Variants in ROBO2 observed in about 807,000 individuals in gnomAD.
ROBO2 encodes roundabout guidance receptor 2.
Under a neutral mutation model 160.8 loss-of-function variants are expected in ROBO2, and 53 were observed. The ratio of observed to expected loss-of-function variants is 0.33; its 90% CI spans 0.26 to 0.41. ROBO2 has a LOEUF of 0.41. Among genes scored for constraint, ROBO2 ranks in the 10% least tolerant of loss-of-function variants. The pLI, the probability that ROBO2 is intolerant of heterozygous loss-of-function variation, is 1.00. For synonymous variants in ROBO2, 664 were observed against 611.7 expected, an observed-to-expected ratio of 1.09 and a Z score of -1.26; for missense variants, 1,577 against 1,722.4, an observed-to-expected ratio of 0.92 and a Z score of 1.49.
intron 2 of ROBO2, among the ~76,000 whole-genome samples, chr3:76,815,657 G>GTAGT (rs10662211): frequency 0.26 from 39,611 of 151,316 alleles, 5,481 homozygotes; most frequent in East Asian, 0.44. Context: ...TATCTTCTGG[G>GTAGT]TAAATTGCAT....
rs573458623 is a variant in ROBO2 at position 76,921,932 on chromosome 3, A to G, written c.110-176082A>G. On this transcript the variant is annotated intron_variant, in intron 2 of 26. Transcript: ENST00000487694. ...GTGAACATATCAGAAGAATCATAACACCTCATGATTTTTTACAAAGCAGAA... is the reference window on the plus strand; with the variant it reads ...GTGAACATATCAGAAGAATCATAACGCCTCATGATTTTTTACAAAGCAGAA... 2.6e-5 allele frequency among the ~76,000 whole-genome samples: 4 copies of G among 152,240 alleles called. No homozygotes were observed. In the South Asian group the frequency reaches 8.3e-4, roughly 32 times the overall value.
chr3:76,476,077 C>T (rs2078917895), intron 2 of ROBO2, among the ~76,000 whole-genome samples: 1 of 152,130 alleles, frequency 6.6e-6, no homozygotes, highest in Non-Finnish European at 1.5e-5. Flanking sequence ...CACTTAAACC[C>T]CGGAGGTGGA....
chr3:77,331,601 T>C (rs1007186380), intron 2 of ROBO2, among the ~76,000 whole-genome samples: 1 of 152,228 alleles, frequency 6.6e-6, no homozygotes, highest in Non-Finnish European at 1.5e-5. Flanking sequence ...CTGAATTTTC[T>C]TAAGATTCAA....
intron 2 of ROBO2, among the ~76,000 whole-genome samples, chr3:76,342,448 A>C (rs1328986755): frequency 6.6e-6 from 1 of 152,102 alleles, no homozygotes; most frequent in Admixed American, 6.6e-5. Context: ...GAATGACTGC[A>C]CAGAGTGGGT....
chr3:77,559,397 A>T (rs974245652), intron 9 of ROBO2, among the ~76,000 whole-genome samples: 4 of 152,088 alleles, frequency 2.6e-5, no homozygotes, highest in African/African-American at 9.7e-5. Flanking sequence ...GCCATGTAGC[A>T]AGTGCTATGT....
intron 2 of ROBO2, among the ~76,000 whole-genome samples, chr3:76,588,561 T>G (rs763109579): frequency 6.6e-6 from 1 of 152,318 alleles, no homozygotes; most frequent in Middle Eastern, 3.4e-3. Context: ...TGGCTTAATA[T>G]GGATTATTCT....
chr3:76,274,603 C>T (rs996399107), intron 2 of ROBO2, among the ~76,000 whole-genome samples: 6 of 151,886 alleles, frequency 4.0e-5, no homozygotes, highest in African/African-American at 1.2e-4. Flanking sequence ...CTTTGGGAGG[C>T]CGAGGTGGGT....
intron 2 of ROBO2, among the ~76,000 whole-genome samples, chr3:76,940,290 A>T (rs1416316734): frequency 6.6e-6 from 1 of 152,120 alleles, no homozygotes; most frequent in Non-Finnish European, 1.5e-5. Context: ...CCGCAACAGG[A>T]TATTTTTAAG....
intron 2 of ROBO2, among the ~76,000 whole-genome samples, chr3:76,245,364 T>C (rs1375480321): frequency 6.6e-6 from 1 of 152,198 alleles, no homozygotes; most frequent in East Asian, 1.9e-4. Flanking sequence ...AAATTCCATT[T>C]GTATTCATTG....
chr3:76,887,598 AT>A (rs2148794919), intron 2 of ROBO2, among the ~76,000 whole-genome samples: 1 of 152,116 alleles, frequency 6.6e-6, no homozygotes, highest in South Asian at 2.1e-4. Context: ...GATTCCTAGT[AT>A]TGCTGTTATA....
At chr3:76,196,899 A>G (rs1169107855) in intron 2 of ROBO2, among the ~76,000 whole-genome samples, 1 of 152,206 alleles carries the variant, frequency 6.6e-6, no homozygotes, top group Admixed American at 6.5e-5. Context: ...TGGATAACAT[A>G]TTGTGATTTA....
chr3:76,457,656 C>G (rs921791305), intron 2 of ROBO2, among the ~76,000 whole-genome samples: 1 of 152,216 alleles, frequency 6.6e-6, no homozygotes, highest in Non-Finnish European at 1.5e-5. Context: ...CCCTTCCACA[C>G]TGTGCTAGCT....
chr3:76,093,650 T>G (rs1368177190), intron 2 of ROBO2, among the ~76,000 whole-genome samples: 5 of 151,444 alleles, frequency 3.3e-5, no homozygotes, highest in Non-Finnish European at 7.4e-5. Flanking sequence ...TCAGTTAAGA[T>G]CCTAAAATTT....
intron 2 of ROBO2, among the ~76,000 whole-genome samples, chr3:77,144,144 T>A (rs1401851935): frequency 6.6e-6 from 1 of 152,224 alleles, no homozygotes; most frequent in Non-Finnish European, 1.5e-5. Context: ...CTTACAGTAA[T>A]GTTTATTTCT....
rs541809967 is a variant in ROBO2, at chr3:76,042,684, T to G, written c.109+105082T>G. On this transcript the variant is annotated intron_variant, in intron 2 of 26. Transcript: ENST00000487694. ...CCAGACCCAAAACCAGGCCTGGGCC[T>G]GTCTGGCCTAAACCTAGTAGTTAAA... 2.0e-5 allele frequency among the ~76,000 whole-genome samples: 3 copies of G among 152,130 alleles called. No homozygotes were observed. The South Asian group carries it at 6.2e-4, about 31-fold the overall frequency.
At chr3:77,507,624 G>A (rs1261275291) in intron 5 of ROBO2, among the ~76,000 whole-genome samples, 1 of 152,104 alleles carries the variant, frequency 6.6e-6, no homozygotes, top group East Asian at 1.9e-4. Flanking sequence ...ACAACTATGA[G>A]CTATATCTAC....
chr3:77,581,344 T>G (rs2153677444), intron 16 of ROBO2, among the ~76,000 whole-genome samples: 1 of 152,264 alleles, frequency 6.6e-6, no homozygotes, highest in East Asian at 1.9e-4. Flanking sequence ...TTTATCATTT[T>G]TCTTTGATAT....
chr3:76,371,513 T>C (rs2076099159), intron 2 of ROBO2, among the ~76,000 whole-genome samples: 1 of 151,698 alleles, frequency 6.6e-6, no homozygotes, highest in African/African-American at 2.4e-5. Flanking sequence ...TATACGTAAT[T>C]GTATATGAGT....
chr3:76,299,075 C>T (rs1709230799), intron 2 of ROBO2, among the ~76,000 whole-genome samples: 1 of 152,146 alleles, frequency 6.6e-6, no homozygotes, highest in African/African-American at 2.4e-5. Flanking sequence ...CTTACACATA[C>T]ACATCTGTGA....
Sources: gnomAD v4.1 joint callset for allele counts (sites outside exome capture counted in the v4.1 genomes callset) on GRCh38, gnomAD v4.1.1 for gene constraint, MANE v1.5 for transcripts, NCBI Gene and HGNC (gene_info 2026-07-23, HGNC 2026-07-21) for gene names.